The following ANK1 variants were observed in gnomAD, a reference collection of about 807,000 sequenced individuals.
The protein encoded by ANK1 is ankyrin-1.
Under a neutral mutation model 210.4 loss-of-function variants are expected in ANK1, and 51 were observed. The ratio of observed to expected loss-of-function variants is 0.24; its 90% CI spans 0.19 to 0.31. ANK1 has a LOEUF of 0.31. ANK1 is among the 10% of genes least tolerant of loss of function. The pLI, the probability that ANK1 is intolerant of heterozygous loss-of-function variation, is 1.00. For synonymous variants in ANK1, 967 were observed against 1,025.9 expected, an observed-to-expected ratio of 0.94 and a Z score of 1.10; for missense variants, 2,051 against 2,504.4, an observed-to-expected ratio of 0.82 and a Z score of 3.86.
chr8:41,709,043 C>T lies in ANK1; in HGVS notation c.1801-68G>A, dbSNP rs753355078. The T allele has an allele frequency of 6.2e-5, 99 of 1,593,280 alleles. 1 individual carries two copies. Among genetic ancestry groups the T allele is most frequent in the Non-Finnish European group, 8.5e-5 (99 of 1,166,902 alleles). ...TGAGCTGACAATATCAACACACAAG[C>T]AGGGGCTGAGTCTGGTTCTTGGCCG... On this transcript the variant is annotated intron_variant, in intron 16 of 42. Coordinates refer to ENST00000289734, the MANE Select transcript of ANK1 (RefSeq NM_000037.4).
Position 41,803,045 on chromosome 8 carries a change from A to AAG in ANK1, c.127-44910_127-44909dup, listed in dbSNP as rs1185227069. Among the ~76,000 whole-genome samples the AAG allele has an allele frequency of 2.9e-3, 207 of 71,562 alleles. 1 individual carries two copies. The highest frequency in any genetic ancestry group is 9.1e-3 in the East Asian group (33 of 3,646). 46.9% of individuals were successfully genotyped at this position (71,562 alleles called of 152,430 possible). ...AGAAAGAAAGAAAGAAAGAAAGAGAAAGAAAGAAAGAGAGAAAGGAAGGAA... is the reference window on the plus strand; with the variant it reads ...AGAAAGAAAGAAAGAAAGAAAGAGAAAGAGAAAGAAAGAGAGAAAGGAAGGAA... On this transcript the variant is annotated intron_variant, in intron 1 of 42. Coordinates refer to the ANK1 transcript ENST00000265709.
chr8:41,836,494 A>T, intron 1 of ANK1, among the ~76,000 whole-genome samples: 1 of 152,196 alleles, frequency 6.6e-6, no homozygotes, highest in East Asian at 1.9e-4. Flanking sequence ...CCGCCCAGCA[A>T]TGTGGCCGGG....
intron 1 of ANK1, among the ~76,000 whole-genome samples, chr8:41,827,443 T>C (rs1483798238): frequency 6.6e-6 from 1 of 152,138 alleles, no homozygotes; most frequent in South Asian, 2.1e-4. Flanking sequence ...AAGCATCAAA[T>C]GAAGAAATAA....
At chr8:41,664,792 G>A in intron 39 of ANK1, 1 of 1,595,506 alleles carries the variant, frequency 6.3e-7, no homozygotes, top group South Asian at 1.1e-5. Context: ...CCGGCCTCCT[G>A]CCAGGCGGTT....
chr8:41,681,633 G>A (rs1236237327), intron 37 of ANK1, among the ~76,000 whole-genome samples: 1 of 152,234 alleles, frequency 6.6e-6, no homozygotes, highest in Non-Finnish European at 1.5e-5. Context: ...AGGAGCCAAG[G>A]TCCGACTGTG....
intron 1 of ANK1, among the ~76,000 whole-genome samples, chr8:41,761,974 TC>T (rs1434494809): frequency 4.6e-5 from 7 of 151,282 alleles, no homozygotes; most frequent in African/African-American, 1.7e-4. Context: ...GCCAACCTCC[TC>T]CATCCCTGCC....
At position 41,704,489 on chromosome 8, in the gene ANK1, A is replaced by T; in HGVS notation, c.2098-17T>A. The T allele has an allele frequency of 6.2e-7, 1 of 1,602,908 alleles. No homozygotes were observed. Among genetic ancestry groups the T allele is most frequent in the Non-Finnish European group, 8.5e-7 (1 of 1,169,746 alleles). On this transcript the variant is annotated splice_polypyrimidine_tract_variant and intron_variant, in intron 18 of 42. Coordinates refer to ENST00000289734, the MANE Select transcript of ANK1 (RefSeq NM_000037.4). This position sits in a 1 kb window ranked among gnomAD's most constrained non-coding sequence, Gnocchi z 4.1. ...GTAGCCCATCTGAAAAGCAGATGAGAAGGAGTGACCGGAGCTGTCCTGAGC... is the reference window on the plus strand; with the variant it reads ...GTAGCCCATCTGAAAAGCAGATGAGTAGGAGTGACCGGAGCTGTCCTGAGC...
intron 1 of ANK1, among the ~76,000 whole-genome samples, chr8:41,761,383 ACACAC>A (rs1335404072): frequency 4.6e-5 from 7 of 152,062 alleles, no homozygotes; most frequent in Admixed American, 3.3e-4. Flanking sequence ...ACACACACAC[ACACAC>A]ATGTTCACAC....
Position 41,852,177 on chromosome 8 carries a change from G to A in ANK1, c.126+44178C>T, listed in dbSNP as rs77267900. ...AAAGTTAGGGGTTCTGGGCCTTGGAGGGAAAGGAGGAGGTCACGGCGATGC... is the reference window on the plus strand; with the variant it reads ...AAAGTTAGGGGTTCTGGGCCTTGGAAGGAAAGGAGGAGGTCACGGCGATGC... On this transcript the variant is annotated intron_variant, in intron 1 of 42. Coordinates refer to the ANK1 transcript ENST00000265709. Among the ~76,000 whole-genome samples the A allele has an allele frequency of 4.6e-3, 705 of 152,322 alleles. 7 individuals carry two copies. The highest frequency in any genetic ancestry group is 0.016 in the African/African-American group (679 of 41,564).
At chr8:41,699,181 C>T (rs1463471408) in intron 23 of ANK1, among the ~76,000 whole-genome samples, 1 of 151,928 alleles carries the variant, frequency 6.6e-6, no homozygotes, top group Non-Finnish European at 1.5e-5. Context: ...ATGAGGGGAG[C>T]CTGGGAGAGG....
rs1024616043 is a variant in ANK1 at position 41,653,324 on chromosome 8, C to T, written c.*2466G>A. ...TAGGGTAGGGGATTCTCTCCCATAA[C>T]AGAGCATGTGGGAGAGTCAAGAAAA... is the stretch of plus-strand genomic sequence containing the variant. On this transcript the variant is annotated 3_prime_UTR_variant, in exon 43 of 43. Coordinates refer to ENST00000289734, the MANE Select transcript of ANK1 (RefSeq NM_000037.4). The T allele has an allele frequency of 6.6e-6, 1 of 152,630 alleles. No homozygotes were observed. Among genetic ancestry groups the T allele is most frequent in the South Asian group, 2.1e-4 (1 of 4,824 alleles). The allele number at this position is 152,630 out of a possible 1,614,324, so 9.5% of individuals were successfully genotyped here. A position where few individuals can be genotyped will look rare whatever the true frequency, so the allele number is the denominator to read the frequency against.
chr8:41,755,811 G>C (rs764588706), intron 2 of ANK1, among the ~76,000 whole-genome samples: 2 of 152,202 alleles, frequency 1.3e-5, no homozygotes, highest in Non-Finnish European at 2.9e-5. Context: ...TGCTTTGTTA[G>C]AACCACCACA....
chr8:41,736,745 G>A (rs1049676983), intron 2 of ANK1, among the ~76,000 whole-genome samples: 8 of 152,200 alleles, frequency 5.3e-5, no homozygotes, highest in African/African-American at 1.2e-4. Flanking sequence ...TGGGACGGCC[G>A]GCCCCTGCTG....
At chr8:41,831,074 A>G (rs1806510000) in intron 1 of ANK1, among the ~76,000 whole-genome samples, 1 of 152,200 alleles carries the variant, frequency 6.6e-6, no homozygotes, top group South Asian at 2.1e-4. Context: ...GAACTGAGAT[A>G]CAGACGAAAG....
At chr8:41,883,513 T>C (rs116199039) in intron 1 of ANK1, among the ~76,000 whole-genome samples, 2,848 of 152,194 alleles carry the variant, frequency 0.019, 93 homozygotes, top group African/African-American at 0.063. Context: ...CAGGCTAAAG[T>C]TCATGGCACA....
At chr8:41,661,263 C>G in intron 42 of ANK1, 167 bp downstream of exon 42, 1 of 1,052,622 alleles carries the variant, frequency 9.5e-7, no homozygotes, top group Non-Finnish European at 1.4e-6. Flanking sequence ...GGGTTCAGAG[C>G]CAACTGTTAG....
chr8:41,712,974 C>A (rs1387989392), intron 16 of ANK1, among the ~76,000 whole-genome samples: 1 of 152,142 alleles, frequency 6.6e-6, no homozygotes, highest in Non-Finnish European at 1.5e-5. Context: ...GCAGCAGGGA[C>A]AGGAGGAGAC....
At chr8:41,678,147 TTTTC>T (rs1018177595) in intron 37 of ANK1, among the ~76,000 whole-genome samples, 2 of 152,062 alleles carry the variant, frequency 1.3e-5, no homozygotes, top group African/African-American at 4.8e-5. Context: ...TTTTTTTTCT[TTTTC>T]TTTTTTTTTG....
chr8:41,757,466 A>G (rs1225753106), intron 2 of ANK1, among the ~76,000 whole-genome samples: 1 of 151,804 alleles, frequency 6.6e-6, no homozygotes, highest in African/African-American at 2.4e-5. Flanking sequence ...CTCCAACCCA[A>G]CCCAAACACA....
Sources: allele counts gnomAD v4.1 joint callset (sites outside exome capture counted in the v4.1 genomes callset), GRCh38; gene constraint gnomAD v4.1.1; non-coding constraint Gnocchi (gnomAD v3.1); transcripts MANE v1.5; gene names NCBI Gene and HGNC (gene_info 2026-07-23, HGNC 2026-07-21).